DLGAP2: variants seen among roughly 807,000 people sequenced by gnomAD.
The protein encoded by DLGAP2 is DLG associated protein 2, also known as disks large-associated protein 2.
A neutral mutation model predicts 100.3 loss-of-function variants in DLGAP2; 26 were observed. The observed-to-expected ratio is 0.26, with a 90% confidence interval of 0.19 to 0.36. The LOEUF is 0.36. DLGAP2 is among the 10% of genes least tolerant of loss of function. DLGAP2 has a pLI of 1.00. For synonymous variants in DLGAP2, 886 were observed against 630.1 expected (o/e 1.41, Z -6.08); for missense variants, 1,858 against 1,453.2 (o/e 1.28, Z -4.53).
chr8:800,236 G>T (rs186248299), intron 1 of DLGAP2, among the ~76,000 whole-genome samples: 2 of 152,348 alleles, frequency 1.3e-5, no homozygotes, highest in East Asian at 3.9e-4. Flanking sequence ...AGAATCATCA[G>T]TGTTCCCTGG....
chr8:902,623 T>G (rs1197705052), intron 1 of DLGAP2, among the ~76,000 whole-genome samples: 1 of 16,590 alleles, frequency 6.0e-5, no homozygotes, highest in Non-Finnish European at 1.1e-4. Context: ...ATGCCAGGGG[T>G]CGGGGGTGGA....
chr8:1,580,694 C>G lies in DLGAP2; in HGVS notation c.1442+14800C>G, dbSNP rs117259875. Among the ~76,000 whole-genome samples the G allele has an allele frequency of 4.1e-3, 619 of 152,174 alleles. 2 individuals are homozygous for G. The highest frequency in any genetic ancestry group is 7.5e-3 in the South Asian group (36 of 4,818). On this transcript the variant is annotated intron_variant, in intron 6 of 14. Transcript: ENST00000637795. ...CCCATACACATCTACACACCACAGT[C>G]GAACTACCAGAAGTGAAGGATACAG...
intron 2 of DLGAP2, among the ~76,000 whole-genome samples, chr8:911,874 G>T (rs2128999696): frequency 6.6e-6 from 1 of 152,362 alleles, no homozygotes; most frequent in African/African-American, 2.4e-5. Flanking sequence ...TGAGATCTAA[G>T]CAGGGAAAAC....
chr8:1,379,655 A>C (rs754768534), intron 3 of DLGAP2: 4 of 152,214 alleles, frequency 2.6e-5, no homozygotes, highest in Non-Finnish European at 5.9e-5. Context: ...GCCCTGAAAG[A>C]GTTTACTTTC....
At chr8:1,434,911 G>T (rs563377647) in intron 3 of DLGAP2, among the ~76,000 whole-genome samples, 2 of 152,250 alleles carry the variant, frequency 1.3e-5, no homozygotes, top group Non-Finnish European at 2.9e-5. Flanking sequence ...GGGCTTTGAT[G>T]CAGGAATGGG....
chr8:1,573,964 T>C (rs1397502315), intron 6 of DLGAP2, among the ~76,000 whole-genome samples: 1 of 152,120 alleles, frequency 6.6e-6, no homozygotes, highest in Non-Finnish European at 1.5e-5. Flanking sequence ...AGTGAGGTGC[T>C]CTCTAAATGC....
intron 10 of DLGAP2, among the ~76,000 whole-genome samples, chr8:1,670,504 G>T (rs1315571120): frequency 6.6e-6 from 1 of 152,218 alleles, no homozygotes; most frequent in African/African-American, 2.4e-5. Context: ...TGTGTCCTGT[G>T]AGAGGGAACT....
chr8:929,782 C>T (rs1254681953), intron 2 of DLGAP2, among the ~76,000 whole-genome samples: 2 of 149,706 alleles, frequency 1.3e-5, no homozygotes, highest in African/African-American at 5.0e-5. Context: ...TCTAATTATA[C>T]TTAGAAGGAA....
chr8:1,483,031 A>C (rs1799140327), intron 3 of DLGAP2, among the ~76,000 whole-genome samples: 1 of 152,040 alleles, frequency 6.6e-6, no homozygotes, highest in African/African-American at 2.4e-5. Context: ...TCCTCCTTGG[A>C]GCTGGCTTGA....
intron 2 of DLGAP2, among the ~76,000 whole-genome samples, chr8:1,058,588 G>C (rs1802955020): frequency 6.6e-6 from 1 of 152,178 alleles, no homozygotes; most frequent in Non-Finnish European, 1.5e-5. Context: ...CAACTTGGAG[G>C]GAGCAGGGGG....
intron 1 of DLGAP2, among the ~76,000 whole-genome samples, chr8:868,634 G>T (rs1013319860): frequency 6.6e-6 from 1 of 152,220 alleles, no homozygotes; most frequent in African/African-American, 2.4e-5. Flanking sequence ...CTGCCTCGCT[G>T]GAGCATTCAT....
intron 4 of DLGAP2, among the ~76,000 whole-genome samples, chr8:1,516,953 C>G (rs1022729331): frequency 6.6e-6 from 1 of 152,168 alleles, no homozygotes; most frequent in Non-Finnish European, 1.5e-5. Context: ...AAATGAAGCA[C>G]CTCATCCACT....
At chr8:964,228 G>A (rs534264198) in intron 2 of DLGAP2, among the ~76,000 whole-genome samples, 1 of 152,280 alleles carries the variant, frequency 6.6e-6, no homozygotes, top group Admixed American at 6.5e-5. Context: ...TTAATTTGAA[G>A]CATGATAGTC....
intron 3 of DLGAP2, among the ~76,000 whole-genome samples, chr8:1,370,945 T>G (rs1802222404): frequency 6.6e-6 from 1 of 152,252 alleles, no homozygotes; most frequent in African/African-American, 2.4e-5. Flanking sequence ...TTGAATAAGT[T>G]CATCTGTATG....
intron 2 of DLGAP2, among the ~76,000 whole-genome samples, chr8:988,906 G>C (rs1275426919): frequency 6.6e-6 from 1 of 152,170 alleles, no homozygotes; most frequent in African/African-American, 2.4e-5. Flanking sequence ...ATGCTTCTCT[G>C]TCCTCTGACA....
chr8:1,453,456 C>G (rs1287847005), intron 3 of DLGAP2, among the ~76,000 whole-genome samples: 2 of 152,182 alleles, frequency 1.3e-5, no homozygotes, highest in African/African-American at 2.4e-5. Flanking sequence ...CCATACCTAA[C>G]AGAGAGAACG....
intron 2 of DLGAP2, among the ~76,000 whole-genome samples, chr8:1,127,180 G>A (rs990396923): frequency 6.6e-6 from 1 of 151,034 alleles, no homozygotes; most frequent in African/African-American, 2.4e-5. Flanking sequence ...CTCTTAAACG[G>A]TCCTTCTGCT....
intron 2 of DLGAP2, among the ~76,000 whole-genome samples, chr8:1,092,452 T>G (rs1476936567): frequency 6.6e-6 from 1 of 152,128 alleles, no homozygotes; most frequent in Non-Finnish European, 1.5e-5. Context: ...TTCCCCTTCC[T>G]CTTTGCCCCG....
intron 2 of DLGAP2, among the ~76,000 whole-genome samples, chr8:964,460 A>T (rs771268484): frequency 9.2e-5 from 14 of 152,236 alleles, no homozygotes; most frequent in Non-Finnish European, 1.8e-4. Context: ...CTTTTATTCA[A>T]AGCCTATCGT....
Sources: gnomAD v4.1 joint callset for allele counts (sites outside exome capture counted in the v4.1 genomes callset) on GRCh38, gnomAD v4.1.1 for gene constraint, MANE v1.5 for transcripts, NCBI Gene and HGNC (gene_info 2026-07-23, HGNC 2026-07-21) for gene names.